Variants in GRID1 observed in about 807,000 individuals in gnomAD.
GRID1 encodes glutamate receptor ionotropic, delta-1.
In GRID1, 28 loss-of-function variants were observed where a neutral mutation model predicts 98.0. That is an observed-to-expected ratio of 0.29 (90% CI 0.21 to 0.39). The LOEUF (loss-of-function observed/expected upper bound fraction) is 0.39, where lower values mean the gene tolerates loss of function less well. Among genes scored for constraint, GRID1 ranks in the 10% least tolerant of loss-of-function variants. The pLI is 1.00. For missense variants in GRID1, 1,111 were observed against 1,340.5 expected (o/e 0.83, Z 2.67); for synonymous variants, 553 against 538.5 (o/e 1.03, Z -0.37).
chr10:86,268,444 T>C (rs566815927), intron 2 of GRID1, among the ~76,000 whole-genome samples: 1 of 152,220 alleles, frequency 6.6e-6, no homozygotes, highest in South Asian at 2.1e-4. Flanking sequence ...ACATGCAGCC[T>C]GAGCAAGGAA....
intron 8 of GRID1, among the ~76,000 whole-genome samples, chr10:85,823,352 G>A (rs1590249001): frequency 1.3e-5 from 2 of 151,850 alleles, no homozygotes; most frequent in East Asian, 1.9e-4. Context: ...ATATGTTCAA[G>A]AAACTTTTTT....
chr10:86,035,096 G>C (rs1368570859), intron 4 of GRID1, among the ~76,000 whole-genome samples: 1 of 152,130 alleles, frequency 6.6e-6, no homozygotes, highest in African/African-American at 2.4e-5. Flanking sequence ...GGCTGTCTTT[G>C]GGACAAGATC....
intron 2 of GRID1, among the ~76,000 whole-genome samples, chr10:86,216,032 T>G (rs12779238): frequency 6.6e-6 from 1 of 152,174 alleles, no homozygotes; most frequent in African/African-American, 2.4e-5. Context: ...TTTCCTGAAA[T>G]GCTCTTCCTC....
At position 86,167,551 on chromosome 10, in the gene GRID1, G is replaced by A. The variant is rs141683536; in HGVS notation, c.521-28527C>T. Among the ~76,000 whole-genome samples, 962 of 152,272 alleles carry A rather than the reference G, an allele frequency of 6.3e-3. 16 individuals are homozygous for A. Among genetic ancestry groups the A allele is most frequent in the African/African-American group, 0.022 (902 of 41,558 alleles). ...GGACAGTGGTTGCTGGGGGAGTGGC[G>A]GGCTTTCCAGCAGCAGCCTCACACT... On this transcript the variant is annotated intron_variant, in intron 3 of 15. Coordinates refer to ENST00000327946, the MANE Select transcript of GRID1 (RefSeq NM_017551.3).
chr10:85,886,794 A>G (rs1335767200), intron 5 of GRID1, among the ~76,000 whole-genome samples: 3 of 152,254 alleles, frequency 2.0e-5, no homozygotes, highest in South Asian at 2.1e-4. Context: ...TCATGCACAG[A>G]TAAGTTTTTG....
chr10:85,823,276 T>C (rs1203691229), intron 8 of GRID1, among the ~76,000 whole-genome samples: 1 of 151,892 alleles, frequency 6.6e-6, no homozygotes, highest in Non-Finnish European at 1.5e-5. Context: ...CACTGAAATA[T>C]ACACTTGAAA....
chr10:85,628,482 G>A (rs1564682001), intron 13 of GRID1, among the ~76,000 whole-genome samples: 1 of 152,136 alleles, frequency 6.6e-6, no homozygotes, highest in Non-Finnish European at 1.5e-5. Context: ...CAGGTACCAA[G>A]CTGCTGGAGA....
At chr10:85,682,119 G>A (rs775889206) in intron 12 of GRID1, among the ~76,000 whole-genome samples, 6 of 152,192 alleles carry the variant, frequency 3.9e-5, no homozygotes, top group Non-Finnish European at 8.8e-5. Context: ...AAGGGTCCCA[G>A]GGAAGGCCTT....
chr10:85,647,419 A>C (rs1440289519), intron 12 of GRID1, 22 bp from the exon 13 acceptor site: 1 of 1,590,532 alleles, frequency 6.3e-7, no homozygotes, highest in Non-Finnish European at 8.6e-7. Flanking sequence ...AAAGGCAGCG[A>C]GGCATGAGTA....
Position 86,292,764 on chromosome 10 carries a change from G to T in GRID1, c.235+71177C>A, listed in dbSNP as rs143176889. On this transcript the variant is annotated intron_variant, in intron 2 of 15. Transcript: ENST00000327946. ...GTGAGTGTCGGGAGTGGGTGTGAGT[G>T]TGACGGTGTCTGTGGGTGTGTGTAT... Among the ~76,000 whole-genome samples, 780 of 152,106 alleles carry T rather than the reference G, an allele frequency of 5.1e-3. 13 individuals carry two copies. Among genetic ancestry groups the T allele is most frequent in the African/African-American group, 0.018 (739 of 41,486 alleles).
chr10:85,868,102 A>C (rs553242238), intron 6 of GRID1, among the ~76,000 whole-genome samples: 1 of 152,156 alleles, frequency 6.6e-6, no homozygotes, highest in Non-Finnish European at 1.5e-5. Context: ...TCTAACCCTC[A>C]TGCCTGGCTG....
Position 85,613,539 on chromosome 10 carries a change from G to A in GRID1, c.2469C>T (p.Gly823=). 1 of 1,614,212 alleles carries A rather than the reference G, an allele frequency of 6.2e-7. No homozygotes were observed. Residue 823 remains glycine (G), a synonymous_variant, in exon 15 of 16, where the codon GGC becomes GGT. Coordinates refer to ENST00000327946, the MANE Select transcript of GRID1 (RefSeq NM_017551.3). ...LTSHASAQAD[G]KSLKLHSFAG... ...CGAAGCTGTGCAGCTTGAGGGATTT[G>A]CCGTCGGCCTGGGCGCTGGCATGGC...
intron 3 of GRID1, among the ~76,000 whole-genome samples, chr10:86,205,884 T>C (rs1406723195): frequency 6.6e-6 from 1 of 152,092 alleles, no homozygotes; most frequent in South Asian, 2.1e-4. Context: ...CCTGGCTCCA[T>C]GACACTCAGG....
intron 10 of GRID1, among the ~76,000 whole-genome samples, chr10:85,727,167 G>T (rs1304972280): frequency 6.6e-6 from 1 of 152,190 alleles, no homozygotes; most frequent in Non-Finnish European, 1.5e-5. Context: ...AGGCGAGGAG[G>T]TCAAAGTATT....
At chr10:86,194,246 C>T (rs886476523) in intron 3 of GRID1, among the ~76,000 whole-genome samples, 7 of 152,096 alleles carry the variant, frequency 4.6e-5, no homozygotes, top group African/African-American at 9.7e-5. Flanking sequence ...TCCACGGCTG[C>T]GCACTACAGC....
chr10:86,014,947 T>A (rs1842962825), intron 4 of GRID1, among the ~76,000 whole-genome samples: 1 of 152,212 alleles, frequency 6.6e-6, no homozygotes. Flanking sequence ...GCACCCTTTC[T>A]TGAGTTATTC....
rs1233371309 is a variant in GRID1, at chr10:86,099,210, C to T, written c.726+39609G>A. Among the ~76,000 whole-genome samples, 5 of 152,226 alleles carry T rather than the reference C, an allele frequency of 3.3e-5. No homozygotes were observed. In the South Asian group the frequency reaches 8.3e-4, roughly 25 times the overall value. ...CATCTATAACCCAGCTCTGCCATCC[C>T]CAGGGATAACAGCAATTTCCTCCTG... On this transcript the variant is annotated intron_variant, in intron 4 of 15. Coordinates refer to ENST00000327946, the MANE Select transcript of GRID1 (RefSeq NM_017551.3).
chr10:85,653,778 G>A (rs1366821282), intron 12 of GRID1, among the ~76,000 whole-genome samples: 2 of 152,172 alleles, frequency 1.3e-5, no homozygotes, highest in Non-Finnish European at 2.9e-5. Context: ...TAGCTGGGAT[G>A]CGAGTAGGCT....
At chr10:86,296,786 CAT>C (rs879825490) in intron 2 of GRID1, among the ~76,000 whole-genome samples, 329 of 1,706 alleles carry the variant, frequency 0.19, no homozygotes, top group Non-Finnish European at 0.34. Flanking sequence ...TACATACACA[CAT>C]ACATACATAC....
Sources: gnomAD v4.1 joint callset for allele counts (sites outside exome capture counted in the v4.1 genomes callset) on GRCh38, gnomAD v4.1.1 for gene constraint, MANE v1.5 for transcripts, NCBI Gene and HGNC (gene_info 2026-07-23, HGNC 2026-07-21) for gene names.